The following KMT2C variants were observed in gnomAD, a reference collection of about 807,000 sequenced individuals.
KMT2C encodes the protein histone-lysine N-methyltransferase 2C.
Under a neutral mutation model 507.9 loss-of-function variants are expected in KMT2C, and 88 were observed. That is an observed-to-expected ratio of 0.17 (90% CI 0.15 to 0.21). The LOEUF is 0.21. Ranked by LOEUF, KMT2C falls within the 10% of genes least tolerant of loss-of-function variation. KMT2C has a pLI of 1.00. For missense variants in KMT2C, 4,954 were observed against 5,957.8 expected (o/e 0.83, Z 5.55); for synonymous variants, 2,049 against 2,080.8 (o/e 0.98, Z 0.42).
chr7:152,286,140 G>C (rs375874597), intron 6 of KMT2C, among the ~76,000 whole-genome samples: 57 of 150,254 alleles, frequency 3.8e-4, no homozygotes, highest in Admixed American at 4.6e-4. Flanking sequence ...AAAAACACTG[G>C]GAAGAAAACG....
At chr7:152,185,680 ATG>A in intron 33 of KMT2C, 49 bp from the exon 34 acceptor site, 1 of 1,338,492 alleles carries the variant, frequency 7.5e-7, no homozygotes, top group East Asian at 2.3e-5. Context: ...CATGCTAATG[ATG>A]TGTTGTAATA....
intron 27 of KMT2C, among the ~76,000 whole-genome samples, chr7:152,196,842 C>T (rs1429556094): frequency 1.3e-5 from 2 of 152,020 alleles, no homozygotes; most frequent in Non-Finnish European, 2.9e-5. Context: ...GCAAAGCAGA[C>T]ATAAAGCCCC....
At chr7:152,419,045 T>G (rs539900510) in intron 1 of KMT2C, among the ~76,000 whole-genome samples, 13 of 151,916 alleles carry the variant, frequency 8.6e-5, no homozygotes, top group African/African-American at 2.9e-4. Context: ...AAAAGATTTG[T>G]TTTTCATTTA....
intron 6 of KMT2C, among the ~76,000 whole-genome samples, chr7:152,284,634 C>T (rs1383798175): frequency 6.6e-6 from 1 of 152,038 alleles, no homozygotes; most frequent in Non-Finnish European, 1.5e-5. Flanking sequence ...ACAAGTCACA[C>T]ATTAGGCAAA....
intron 6 of KMT2C, among the ~76,000 whole-genome samples, chr7:152,281,730 TCAAAAA>T (rs1236225198): frequency 2.5e-4 from 37 of 150,290 alleles, no homozygotes; most frequent in African/African-American, 8.1e-4. Flanking sequence ...AGACTCCATC[TCAAAAA>T]CAAAAACAAA....
intron 43 of KMT2C, among the ~76,000 whole-genome samples, chr7:152,161,878 T>C (rs758229684): frequency 6.6e-6 from 1 of 152,268 alleles, no homozygotes; most frequent in Non-Finnish European, 1.5e-5. Context: ...TCACGTTATA[T>C]ATGAAATGCA....
intron 52 of KMT2C, among the ~76,000 whole-genome samples, chr7:152,147,707 C>CAAAAAAAA (rs762588729): frequency 3.6e-4 from 17 of 46,682 alleles, no homozygotes; most frequent in African/African-American, 1.3e-3. Flanking sequence ...AACTCCGTCT[C>CAAAAAAAA]AAAAAAAAAA....
chr7:152,221,219 T>C (rs2094758501), intron 22 of KMT2C, among the ~76,000 whole-genome samples: 1 of 152,216 alleles, frequency 6.6e-6, no homozygotes, highest in Non-Finnish European at 1.5e-5. Flanking sequence ...ATCGTGCCAC[T>C]GCACTCCAGC....
intron 1 of KMT2C, among the ~76,000 whole-genome samples, chr7:152,412,111 T>C (rs2097690382): frequency 2.0e-5 from 3 of 152,256 alleles, no homozygotes; most frequent in Non-Finnish European, 2.9e-5. Flanking sequence ...AATGAAGATG[T>C]TGCAACCTGG....
At chr7:152,262,292 C>G (rs1488669468) in intron 9 of KMT2C, among the ~76,000 whole-genome samples, 1 of 152,188 alleles carries the variant, frequency 6.6e-6, no homozygotes, top group East Asian at 1.9e-4. Context: ...CCCTCTCCAG[C>G]TCCAGGAAAA....
At chr7:152,216,214 G>A (rs1390064245) in intron 23 of KMT2C, among the ~76,000 whole-genome samples, 3 of 152,172 alleles carry the variant, frequency 2.0e-5, no homozygotes, top group Non-Finnish European at 2.9e-5. Context: ...TTATTTTATT[G>A]AGGTATGGGA....
Position 152,223,697 on chromosome 7 carries a change from G to A in KMT2C, c.3323+318C>T, listed in dbSNP as rs528824777. Among the ~76,000 whole-genome samples, 16 of 152,272 alleles carry A rather than the reference G, an allele frequency of 1.1e-4. No homozygotes were observed. The East Asian group carries it at 3.1e-3, about 29-fold the overall frequency. ...TAGTCCCAGATACTCGGGAGGCTGA[G>A]GCAGGAGAATCGCTTGAACCCAGGA... On this transcript the variant is annotated intron_variant, in intron 20 of 58. Transcript: ENST00000262189.
At chr7:152,149,897 C>A (rs1298423156) in intron 51 of KMT2C, among the ~76,000 whole-genome samples, 2 of 152,106 alleles carry the variant, frequency 1.3e-5, no homozygotes, top group African/African-American at 2.4e-5. Flanking sequence ...AGGGACTGCA[C>A]ACCAACTTAA....
chr7:152,183,163 C>A lies in KMT2C; in HGVS notation c.5083-7G>T, dbSNP rs2129121648. ...TGTTATCTCTGGCTTTTTGCTTTGA[C>A]AAAAGAAGAGAAAAAAATTTCCCAG... On this transcript the variant is annotated splice_polypyrimidine_tract_variant and splice_region_variant and intron_variant, in intron 34 of 58. Coordinates refer to ENST00000262189, the MANE Select transcript of KMT2C (RefSeq NM_170606.3). 6.6e-7 allele frequency: 1 copy of A among 1,506,352 alleles called. No individual in the cohort carries two copies. The highest frequency in any genetic ancestry group is 8.8e-7 in the Non-Finnish European group (1 of 1,130,202). 93.3% of individuals were successfully genotyped at this position (1,506,352 alleles called of 1,614,324 possible).
At chr7:152,348,604 A>G (rs1338054788) in intron 2 of KMT2C, among the ~76,000 whole-genome samples, 12 of 114,360 alleles carry the variant, frequency 1.0e-4, no homozygotes, top group Admixed American at 3.2e-4. Flanking sequence ...TGTCTTAAAA[A>G]AAAAAAAAAA....
rs2093891751 is a variant in KMT2C at position 152,194,087 on chromosome 7, G to A, written c.4582C>T (p.Leu1528Phe). The part of the protein sequence containing the change: ...KDVEDLFTAV[L>F]SPANTQPTPL... ...GTTGGCTGAGTGTTCGCAGGACTAAGTACAGCTGTAAATAAGTCTTCAACA... is the reference window on the plus strand; with the variant it reads ...GTTGGCTGAGTGTTCGCAGGACTAAATACAGCTGTAAATAAGTCTTCAACA... Residue 1528 changes from leucine to phenylalanine, a missense_variant, in exon 31 of 59, where the codon CTT (leucine) becomes TTT (phenylalanine). By Grantham distance (22) the Leu-to-Phe change is conservative. Around this residue, in one of 29 missense-constraint regions of KMT2C, gnomAD observed 195 missense variants for 183.7 expected, o/e 1.06. Coordinates refer to ENST00000262189, the MANE Select transcript of KMT2C (RefSeq NM_170606.3). 2 of 1,592,396 alleles carry A rather than the reference G, an allele frequency of 1.3e-6. No homozygotes were observed. Among genetic ancestry groups the A allele is most frequent in the Non-Finnish European group, 1.7e-6 (2 of 1,173,200 alleles).
At chr7:152,146,010 A>G (rs1282978520) in intron 53 of KMT2C, among the ~76,000 whole-genome samples, 3 of 152,240 alleles carry the variant, frequency 2.0e-5, no homozygotes, top group Non-Finnish European at 2.9e-5. Flanking sequence ...GTCCAAAGAA[A>G]ACACACCAAT....
intron 23 of KMT2C, among the ~76,000 whole-genome samples, chr7:152,212,045 C>T (rs1484948026): frequency 2.6e-5 from 4 of 151,528 alleles, no homozygotes; most frequent in Non-Finnish European, 5.9e-5. Context: ...AAGACTCCAT[C>T]GAAAGAAACG....
intron 6 of KMT2C, among the ~76,000 whole-genome samples, chr7:152,286,211 C>T (rs549179270): frequency 1.5e-3 from 234 of 152,246 alleles, no homozygotes; most frequent in Middle Eastern, 6.8e-3. Flanking sequence ...ATTAGAGTTA[C>T]AGAGGAAGAG....
Sources: gnomAD v4.1 joint callset for allele counts (sites outside exome capture counted in the v4.1 genomes callset) on GRCh38, gnomAD v4.1.1 for gene constraint, gnomAD v4.1.1 regional missense constraint, MANE v1.5 for transcripts, NCBI Gene and HGNC (gene_info 2026-07-23, HGNC 2026-07-21) for gene names.